Variants in ANXA4 observed in about 807,000 individuals in gnomAD.
The protein encoded by ANXA4 is annexin A4.
A neutral mutation model predicts 49.8 loss-of-function variants in ANXA4; 39 were observed. The ratio of observed to expected loss-of-function variants is 0.78; its 90% confidence interval spans 0.61 to 1.02. ANXA4 has a LOEUF of 1.02. ANXA4 is among the 50% of genes least tolerant of loss of function. The pLI is 0.00. For synonymous variants in ANXA4, 134 were observed against 152.5 expected (o/e 0.88, Z 0.89); for missense variants, 360 against 410.1 (o/e 0.88, Z 1.05).
At chr2:69,709,183 C>T (rs1228942538) in intron 2 of ANXA4, among the ~76,000 whole-genome samples, 2 of 151,940 alleles carry the variant, frequency 1.3e-5, no homozygotes, top group Admixed American at 6.6e-5. Flanking sequence ...AGTAATTGTA[C>T]CCTCCTGACA....
chr2:69,656,346 T>C (rs1676477258), intron 2 of ANXA4, among the ~76,000 whole-genome samples: 1 of 100,080 alleles, frequency 1.0e-5, no homozygotes, highest in South Asian at 3.4e-4. Context: ...TATATATATG[T>C]GTATATATGT....
At chr2:69,766,561 G>T (rs908420232) in intron 1 of ANXA4, among the ~76,000 whole-genome samples, 6 of 152,208 alleles carry the variant, frequency 3.9e-5, no homozygotes, top group Non-Finnish European at 8.8e-5. Context: ...GAAGGATGGG[G>T]TGGTCATTGA....
intron 1 of ANXA4, among the ~76,000 whole-genome samples, chr2:69,753,111 A>G (rs1670914893): frequency 6.6e-6 from 1 of 152,152 alleles, no homozygotes; most frequent in South Asian, 2.1e-4. Context: ...TCTTTAAACT[A>G]GTTATGTACC....
chr2:69,650,197 A>T (rs1676180864), intron 1 of ANXA4, among the ~76,000 whole-genome samples: 1 of 152,026 alleles, frequency 6.6e-6, no homozygotes, highest in South Asian at 2.1e-4. Flanking sequence ...CAGCCTCCCA[A>T]AGTGCTGGGA....
upstream of ANXA4, chr2:69,643,872 TCG>T (rs1333492202): frequency 1.7e-6 from 2 of 1,176,268 alleles, no homozygotes; most frequent in Non-Finnish European, 1.1e-6. Flanking sequence ...CGCCGTTCTG[TCG>T]CCACGGATGG....
chr2:69,759,108 C>T (rs1047687487), intron 1 of ANXA4, among the ~76,000 whole-genome samples: 2 of 141,260 alleles, frequency 1.4e-5, no homozygotes, highest in East Asian at 2.0e-4. Flanking sequence ...TGCACTCCAG[C>T]GACAGAGAGA....
At chr2:69,794,401 A>T (rs1672827793) in intron 3 of ANXA4, among the ~76,000 whole-genome samples, 2 of 152,096 alleles carry the variant, frequency 1.3e-5, no homozygotes, top group African/African-American at 2.4e-5. Flanking sequence ...GTTGAGCTGG[A>T]CCTCAAGCCT....
At chr2:69,756,845 T>A (rs1671054469) in intron 1 of ANXA4, among the ~76,000 whole-genome samples, 1 of 151,434 alleles carries the variant, frequency 6.6e-6, no homozygotes, top group African/African-American at 2.4e-5. Context: ...GGGCAAAAAA[T>A]ACACACCAAT....
At chr2:69,807,150 AAGTT>A (rs1181749775) in intron 5 of ANXA4, among the ~76,000 whole-genome samples, 3 of 152,140 alleles carry the variant, frequency 2.0e-5, no homozygotes, top group Non-Finnish European at 2.9e-5. Context: ...CTTTTCCAAA[AAGTT>A]AGGGAATCAT....
intron 2 of ANXA4, among the ~76,000 whole-genome samples, chr2:69,715,375 T>G (rs925116533): frequency 6.6e-6 from 1 of 152,074 alleles, no homozygotes; most frequent in African/African-American, 2.4e-5. Context: ...GCCTGGCTAC[T>G]TTTTGTATTT....
At chr2:69,708,330 T>TACGGAC (rs1439208785) in intron 2 of ANXA4, among the ~76,000 whole-genome samples, 1 of 152,184 alleles carries the variant, frequency 6.6e-6, no homozygotes, top group Admixed American at 6.5e-5. Context: ...CGCAACTCTC[T>TACGGAC]ACGGACACGA....
At chr2:69,799,757 C>G (rs1673108472) in intron 3 of ANXA4, among the ~76,000 whole-genome samples, 1 of 152,100 alleles carries the variant, frequency 6.6e-6, no homozygotes, top group Non-Finnish European at 1.5e-5. Context: ...AGACTTTTGG[C>G]CAGAGAAGTA....
chr2:69,819,801 C>T lies in ANXA4; in HGVS notation c.783+463C>T, dbSNP rs139161046. On this transcript the variant is annotated intron_variant, in intron 11 of 12. Coordinates refer to ENST00000394295, the MANE Select transcript of ANXA4 (RefSeq NM_001153.5). ...TGTAGTCTTTGGCCAGGTGCGGTGG[C>T]TCACGCCTGTAATCCCAGCACTTTG... Among the ~76,000 whole-genome samples the T allele has an allele frequency of 4.2e-3, 641 of 152,248 alleles. 1 individual carries two copies. The highest frequency in any genetic ancestry group is 0.014 in the African/African-American group (595 of 41,548).
chr2:69,678,931 A>T (rs896768546), intron 2 of ANXA4, among the ~76,000 whole-genome samples: 5 of 152,042 alleles, frequency 3.3e-5, no homozygotes, highest in African/African-American at 1.2e-4. Flanking sequence ...ATTTGTAAGT[A>T]TTTGTAGTTG....
chr2:69,655,769 G>C (rs1009554118), intron 2 of ANXA4, among the ~76,000 whole-genome samples: 3 of 152,068 alleles, frequency 2.0e-5, no homozygotes, highest in African/African-American at 7.2e-5. Flanking sequence ...CAAAGACTTG[G>C]AACCAATCCA....
intron 3 of ANXA4, among the ~76,000 whole-genome samples, chr2:69,724,963 C>T (rs1284721894): frequency 6.6e-6 from 1 of 152,210 alleles, no homozygotes; most frequent in African/African-American, 2.4e-5. Flanking sequence ...AAAATACCTG[C>T]TCATCCTGTC....
At chr2:69,737,879 T>C (rs1670282616), upstream of ANXA4, among the ~76,000 whole-genome samples, 1 of 152,202 alleles carries the variant, frequency 6.6e-6, no homozygotes, top group Admixed American at 6.5e-5. Context: ...TGTTTTGGGT[T>C]CTGTTTTTAA....
At chr2:69,707,643 T>A (rs1678539469) in intron 2 of ANXA4, among the ~76,000 whole-genome samples, 1 of 152,262 alleles carries the variant, frequency 6.6e-6, no homozygotes, top group African/African-American at 2.4e-5. Context: ...GTACATGAGA[T>A]GTTTTGATAC....
At chr2:69,771,273 G>A (rs750898895) in intron 1 of ANXA4, among the ~76,000 whole-genome samples, 75 of 152,022 alleles carry the variant, frequency 4.9e-4, no homozygotes, top group Non-Finnish European at 9.0e-4. Context: ...TTCACAGTGG[G>A]GAAATATCTG....
Sources: allele counts gnomAD v4.1 joint callset (sites outside exome capture counted in the v4.1 genomes callset), GRCh38; gene constraint gnomAD v4.1.1; transcripts MANE v1.5; gene names NCBI Gene and HGNC (gene_info 2026-07-23, HGNC 2026-07-21).